KLF12: variants seen among roughly 807,000 people sequenced by gnomAD.
KLF12 encodes KLF transcription factor 12.
Under a neutral mutation model 37.8 loss-of-function variants are expected in KLF12, and 9 were observed. The observed-to-expected ratio is 0.24, with a 90% CI of 0.14 to 0.42. The LOEUF (loss-of-function observed/expected upper bound fraction) is 0.42. Ranked by LOEUF, KLF12 falls within the 10% of genes least tolerant of loss-of-function variation. KLF12 has a pLI of 1.00. For synonymous variants in KLF12, 208 were observed against 202.1 expected (o/e 1.03, Z -0.25); for missense variants, 411 against 516.0 (o/e 0.80, Z 1.97).
intron 4 of KLF12, among the ~76,000 whole-genome samples, chr13:73,835,711 C>A (rs9600175): frequency 0.029 from 4,472 of 152,090 alleles, 160 homozygotes; most frequent in Non-Finnish European, 0.038. Flanking sequence ...ATATACACAC[C>A]CCCTGCCCGC....
upstream of KLF12, among the ~76,000 whole-genome samples, chr13:74,135,842 A>G (rs375324266): frequency 9.9e-5 from 15 of 152,274 alleles, no homozygotes; most frequent in South Asian, 4.1e-4. Context: ...AGAGGCCGAG[A>G]AACAGGAAAT....
At chr13:74,136,579 G>A (rs557292094), upstream of KLF12, among the ~76,000 whole-genome samples, 175 of 152,252 alleles carry the variant, frequency 1.1e-3, no homozygotes, top group African/African-American at 3.4e-3. Context: ...GCTGAGTGGC[G>A]GATAGACCAT....
At chr13:73,732,250 A>T (rs560304917) in intron 6 of KLF12, among the ~76,000 whole-genome samples, 65 of 146,476 alleles carry the variant, frequency 4.4e-4, no homozygotes, top group African/African-American at 1.5e-3. Flanking sequence ...CACCTGGCTA[A>T]TTTTTTTTTT....
intron 4 of KLF12, among the ~76,000 whole-genome samples, chr13:73,840,516 G>A (rs1884683739): frequency 6.6e-6 from 1 of 152,146 alleles, no homozygotes; most frequent in African/African-American, 2.4e-5. Flanking sequence ...CAACCCCACT[G>A]TGCTCATCTT....
At chr13:73,745,987 G>A (rs1878334104) in intron 6 of KLF12, among the ~76,000 whole-genome samples, 1 of 151,600 alleles carries the variant, frequency 6.6e-6, no homozygotes, top group Non-Finnish European at 1.5e-5. Context: ...TAGGTCTCTG[G>A]ACCCAGAGAG....
the KLF12 span, among the ~76,000 whole-genome samples, chr13:74,141,540 C>A: frequency 2.6e-5 from 4 of 152,144 alleles, no homozygotes; most frequent in African/African-American, 9.7e-5. Flanking sequence ...TTGTCCATCC[C>A]TTGCAGTGAA....
chr13:73,874,854 T>C (rs1174117848), intron 3 of KLF12, among the ~76,000 whole-genome samples: 1 of 151,990 alleles, frequency 6.6e-6, no homozygotes, highest in Non-Finnish European at 1.5e-5. Context: ...AATATGTTTT[T>C]TGGATTAGAT....
At chr13:74,067,673 G>A (rs1873993836) in intron 1 of KLF12, among the ~76,000 whole-genome samples, 1 of 149,074 alleles carries the variant, frequency 6.7e-6, no homozygotes, top group Non-Finnish European at 1.5e-5. Context: ...GCAATCAACA[G>A]ACAGTAACCA....
In KLF12 at chr13:73,702,994, T is replaced by C. The variant is rs148054893; in HGVS notation, c.1028-7323A>G. On this transcript the variant is annotated intron_variant, in intron 7 of 7. Coordinates refer to ENST00000377669, the MANE Select transcript of KLF12 (RefSeq NM_007249.5). ...TACCTCTTCATAGTTTACGGCAGCA[T>C]ACAATACCACAGGTTTTGAAATCTG... is the stretch of plus-strand genomic sequence containing the variant. 7.5e-3 allele frequency among the ~76,000 whole-genome samples: 1,135 copies of C among 152,248 alleles called. 7 individuals carry two copies. The highest frequency in any genetic ancestry group is 0.01 in the Non-Finnish European group (684 of 68,006).
chr13:74,115,502 C>T (rs9592969), intron 1 of KLF12, among the ~76,000 whole-genome samples: 82,178 of 151,596 alleles, frequency 0.54, 27,268 homozygotes, highest in East Asian at 0.88. Flanking sequence ...GTCAGGAGTT[C>T]GAGACCAGCC....
chr13:73,774,304 C>CTATATATA (rs1250631346), intron 5 of KLF12, among the ~76,000 whole-genome samples: 5 of 138,318 alleles, frequency 3.6e-5, no homozygotes, highest in African/African-American at 1.4e-4. Flanking sequence ...ACACACACAT[C>CTATATATA]TATATATATA....
At chr13:74,173,435 T>C in the KLF12 span, among the ~76,000 whole-genome samples, 2 of 152,232 alleles carry the variant, frequency 1.3e-5, no homozygotes, top group Non-Finnish European at 2.9e-5. Context: ...GACTGAATTC[T>C]ATCTTATAGA....
intron 2 of KLF12, among the ~76,000 whole-genome samples, chr13:73,969,279 G>A (rs1593792891): frequency 6.6e-6 from 1 of 152,138 alleles, no homozygotes; most frequent in Admixed American, 6.5e-5. Context: ...GTGAACATGT[G>A]ACTATATAAA....
intron 3 of KLF12, among the ~76,000 whole-genome samples, chr13:73,932,060 C>G (rs2139292507): frequency 6.6e-6 from 1 of 151,684 alleles, no homozygotes; most frequent in East Asian, 1.9e-4. Context: ...CCTTCTTTAT[C>G]TGAATTTTAA....
At chr13:74,197,855 C>T in the KLF12 span, among the ~76,000 whole-genome samples, 1 of 152,116 alleles carries the variant, frequency 6.6e-6, no homozygotes, top group East Asian at 1.9e-4. Context: ...CAATGGCAGT[C>T]ATCCCTCCAG....
At chr13:74,232,604 G>C in the KLF12 span, among the ~76,000 whole-genome samples, 1 of 151,986 alleles carries the variant, frequency 6.6e-6, no homozygotes. Context: ...GTCTTATCTA[G>C]GTTTGACAGT....
intron 7 of KLF12, among the ~76,000 whole-genome samples, chr13:73,702,484 TGTGAGCAAC>T (rs1874630697): frequency 6.6e-6 from 1 of 152,136 alleles, no homozygotes; most frequent in Admixed American, 6.5e-5. Flanking sequence ...TAAAATGACG[TGTGAGCAAC>T]GCACATAAGA....
chr13:74,108,071 T>A (rs1362744339), intron 1 of KLF12, among the ~76,000 whole-genome samples: 1 of 152,228 alleles, frequency 6.6e-6, no homozygotes, highest in Non-Finnish European at 1.5e-5. Flanking sequence ...TTCTTCACTG[T>A]GGCATTATTC....
the KLF12 span, among the ~76,000 whole-genome samples, chr13:74,217,601 C>CA: frequency 6.6e-6 from 1 of 152,062 alleles, no homozygotes; most frequent in Non-Finnish European, 1.5e-5. Flanking sequence ...GTGGTGTGCA[C>CA]CTGTTATCCC....
Sources: gnomAD v4.1 joint callset for allele counts (sites outside exome capture counted in the v4.1 genomes callset) on GRCh38, gnomAD v4.1.1 for gene constraint, MANE v1.5 for transcripts, NCBI Gene and HGNC (gene_info 2026-07-23, HGNC 2026-07-21) for gene names.